COG3: variants seen among roughly 807,000 people sequenced by gnomAD.
The protein encoded by COG3 is component of oligomeric golgi complex 3.
COG3 carries 32 observed loss-of-function variants against 114.1 expected under a neutral mutation model. The ratio of observed to expected loss-of-function variants is 0.28; its 90% CI spans 0.21 to 0.38. COG3 has a LOEUF of 0.38. Among genes scored for constraint, COG3 ranks in the 10% least tolerant of loss-of-function variants. COG3 has a pLI of 1.00. For synonymous variants in COG3, 352 were observed against 365.7 expected (o/e 0.96, Z 0.43); for missense variants, 813 against 973.2 (o/e 0.84, Z 2.19).
At chr13:45,490,400 C>T (rs902477691) in intron 8 of COG3, among the ~76,000 whole-genome samples, 2 of 152,186 alleles carry the variant, frequency 1.3e-5, no homozygotes, top group African/African-American at 2.4e-5. Context: ...TACTAAGGAG[C>T]GGGTGCTGGA....
intron 14 of COG3, among the ~76,000 whole-genome samples, chr13:45,507,290 G>A (rs1870258612): frequency 6.6e-6 from 1 of 152,102 alleles, no homozygotes; most frequent in Non-Finnish European, 1.5e-5. Flanking sequence ...AATATTCTTT[G>A]ATGTAATTTG....
rs1871269245 is a variant in COG3 at position 45,514,140 on chromosome 13, G to A, written c.1810-2003G>A. Among the ~76,000 whole-genome samples the A allele has an allele frequency of 2.8e-5, 4 of 140,430 alleles. No homozygotes were observed. In the Admixed American group the frequency reaches 2.9e-4, roughly 10 times the overall value. The allele number at this position is 140,430 out of a possible 152,430, so 92.1% of individuals were successfully genotyped here. A position where few individuals can be genotyped will look rare whatever the true frequency, so the allele number is the denominator to read the frequency against. On this transcript the variant is annotated intron_variant, in intron 16 of 22. Coordinates refer to ENST00000349995, the MANE Select transcript of COG3 (RefSeq NM_031431.4). ...AAAGTTCATAGGCTTATGTCCTCTT[G>A]TACCACTGTCCTCTCTCTTTTTTTT... is the stretch of plus-strand genomic sequence containing the variant.
intron 13 of COG3, among the ~76,000 whole-genome samples, chr13:45,501,129 T>C (rs1298926094): frequency 6.6e-6 from 1 of 152,238 alleles, no homozygotes; most frequent in African/African-American, 2.4e-5. Flanking sequence ...TTCACCACCG[T>C]GCAGTTACTC....
At chr13:45,487,405 C>G (rs1046195747) in intron 8 of COG3, among the ~76,000 whole-genome samples, 1 of 152,170 alleles carries the variant, frequency 6.6e-6, no homozygotes, top group African/African-American at 2.4e-5. Flanking sequence ...CTATAATAAT[C>G]TTAAAATCTT....
chr13:45,477,921 C>T (rs985207715), intron 2 of COG3, among the ~76,000 whole-genome samples: 7 of 152,014 alleles, frequency 4.6e-5, no homozygotes, highest in Non-Finnish European at 7.4e-5. Flanking sequence ...CTACCATTCC[C>T]GGCCCCACAG....
At chr13:45,505,020 C>G (rs1027856018) in intron 14 of COG3, among the ~76,000 whole-genome samples, 5 of 151,766 alleles carry the variant, frequency 3.3e-5, no homozygotes, top group African/African-American at 7.3e-5. Context: ...AACCCCGTCT[C>G]TACTAAAAAT....
Position 45,535,665 on chromosome 13 carries a change from T to C in COG3, c.*934T>C, listed in dbSNP as rs1873504029. On this transcript the variant is annotated 3_prime_UTR_variant, in exon 23 of 23. Coordinates refer to ENST00000349995, the MANE Select transcript of COG3 (RefSeq NM_031431.4). ...TGTCTATTCATTCAGCTGGCTGTGC[T>C]GTGCTGTGGACCAGCTGTGTGGATC... The C allele has an allele frequency of 1.0e-6, 1 of 985,712 alleles. No homozygotes were observed. The highest frequency in any genetic ancestry group is 1.1e-4 in the East Asian group (1 of 8,814). 61.1% of individuals were successfully genotyped at this position (985,712 alleles called of 1,614,324 possible).
chr13:45,533,008 A>G (rs1873305624), intron 22 of COG3, among the ~76,000 whole-genome samples: 1 of 152,066 alleles, frequency 6.6e-6, no homozygotes, highest in African/African-American at 2.4e-5. Context: ...TTTGTGAGAC[A>G]CACGGGGGTT....
At chr13:45,506,981 A>G (rs1870222709) in intron 14 of COG3, among the ~76,000 whole-genome samples, 1 of 152,138 alleles carries the variant, frequency 6.6e-6, no homozygotes, top group Non-Finnish European at 1.5e-5. Context: ...CCCGTGGAGG[A>G]CGACGGAGGC....
At position 45,500,730 on chromosome 13, in the gene COG3, T is replaced by C. The variant is rs144084853; in HGVS notation, c.1489-2514T>C. Among the ~76,000 whole-genome samples, 17 of 152,336 alleles carry C rather than the reference T, an allele frequency of 1.1e-4. No individual in the cohort carries two copies. In the East Asian group the frequency reaches 3.3e-3, roughly 29 times the overall value. ...TATTTATTTACTAAGGTCCATAGTT[T>C]ATTCAGATTTTCTTAGTGTTTTTCA... is the stretch of plus-strand genomic sequence containing the variant. On this transcript the variant is annotated intron_variant, in intron 13 of 22. Coordinates refer to ENST00000349995, the MANE Select transcript of COG3 (RefSeq NM_031431.4).
intron 1 of COG3, among the ~76,000 whole-genome samples, chr13:45,468,784 C>G (rs1244832234): frequency 6.6e-6 from 1 of 152,234 alleles, no homozygotes; most frequent in Non-Finnish European, 1.5e-5. Flanking sequence ...GAACTGTGTT[C>G]TCTCTCTAGT....
intron 16 of COG3, among the ~76,000 whole-genome samples, chr13:45,512,913 C>A (rs572857144): frequency 6.6e-6 from 1 of 151,954 alleles, no homozygotes; most frequent in African/African-American, 2.4e-5. Flanking sequence ...CCGCACTTAG[C>A]GGTTTACAGT....
intron 2 of COG3, among the ~76,000 whole-genome samples, chr13:45,476,829 T>C (rs2137789610): frequency 6.6e-6 from 1 of 152,362 alleles, no homozygotes; most frequent in East Asian, 1.9e-4. Flanking sequence ...CTTACAGTAG[T>C]TTCTTCTGCC....
At chr13:45,474,122 T>A (rs1214103393) in intron 1 of COG3, among the ~76,000 whole-genome samples, 3 of 151,160 alleles carry the variant, frequency 2.0e-5, no homozygotes, top group Non-Finnish European at 2.9e-5. Context: ...AAAAGCCAGT[T>A]TTCCCACATC....
rs1198904738 is a variant in COG3 at position 45,516,227 on chromosome 13, A to G, written c.1894A>G (p.Ile632Val). 6 of 1,594,812 alleles carry G rather than the reference A, an allele frequency of 3.8e-6. No individual in the cohort carries two copies. Among genetic ancestry groups the G allele is most frequent in the Non-Finnish European group, 5.1e-6 (6 of 1,167,762 alleles). The change falls in exon 17 of 23, where the codon ATT becomes GTT. Residue 632 changes from isoleucine to valine, a missense_variant. By Grantham distance (29) the Ile-to-Val change is conservative. This residue lies in a region of COG3 where 389 missense variants were observed against 542.6 expected (regional missense o/e 0.72). Transcript: ENST00000349995. ...TGCTCCATTTCACACTGAATTCACC[A>G]TTAAGGAAATTTCCCTGGACCTCAA... ...QIAPFHTEFT[I>V]KEISLDLKKT... is the part of the protein sequence containing the mutation.
At chr13:45,517,999 C>T (rs1425222362) in intron 17 of COG3, among the ~76,000 whole-genome samples, 7 of 152,128 alleles carry the variant, frequency 4.6e-5, no homozygotes, top group Admixed American at 4.6e-4. Flanking sequence ...GAAAAGACAG[C>T]AGACACAACT....
At chr13:45,485,141 C>T (rs1243819035) in intron 7 of COG3, among the ~76,000 whole-genome samples, 13 of 148,140 alleles carry the variant, frequency 8.8e-5, no homozygotes, top group East Asian at 2.0e-4. Flanking sequence ...GGGCGGTGGC[C>T]GGGCAGAGGG....
chr13:45,488,671 T>G (rs543042214), intron 8 of COG3, among the ~76,000 whole-genome samples: 3 of 152,240 alleles, frequency 2.0e-5, no homozygotes, highest in South Asian at 4.2e-4. Context: ...GGTATGTGCC[T>G]TATTCATTCT....
Position 45,480,280 on chromosome 13 carries a change from TA to T in COG3, c.543del (p.Glu182AsnfsTer29). On this transcript the variant is annotated frameshift_variant, in exon 4 of 23. Transcript: ENST00000349995. LOFTEE classifies it high-confidence loss of function. ...CTACATGAAGCCTGTGAACAGCTCCTAAAAGAACAGGTAATTTGGAGTAAGA... is the reference window on the plus strand; with the variant it reads ...CTACATGAAGCCTGTGAACAGCTCCTAAAGAACAGGTAATTTGGAGTAAGA... ...GTLHEACEQLLKEQSELVDLA... is the reference protein window; with the variant it reads ...GTLHEACEQLXKEQSELVDLA... 6.2e-7 allele frequency: 1 copy of T among 1,608,156 alleles called. No individual in the cohort carries two copies. The highest frequency in any genetic ancestry group is 8.5e-7 in the Non-Finnish European group (1 of 1,176,440).
Sources: gnomAD v4.1 joint callset for allele counts (sites outside exome capture counted in the v4.1 genomes callset) on GRCh38, gnomAD v4.1.1 for gene constraint, gnomAD v4.1.1 regional missense constraint, MANE v1.5 for transcripts, NCBI Gene and HGNC (gene_info 2026-07-23, HGNC 2026-07-21) for gene names.